Variants in GLIS1 observed in about 807,000 individuals in gnomAD.
GLIS1 encodes the protein GLIS family zinc finger 1, also known as zinc finger protein GLIS1.
In GLIS1, 24 loss-of-function variants were observed where a neutral mutation model predicts 63.8. The ratio of observed to expected loss-of-function variants is 0.38; its 90% CI spans 0.27 to 0.53. GLIS1 has a LOEUF of 0.53. Ranked by LOEUF, GLIS1 falls within the 20% of genes least tolerant of loss-of-function variation. The pLI, the probability that GLIS1 is intolerant of heterozygous loss-of-function variation, is 0.85. For synonymous variants in GLIS1, 450 were observed against 482.5 expected (o/e 0.93, Z 0.88); for missense variants, 1,036 against 1,074.1 (o/e 0.96, Z 0.50).
At chr1:53,515,316 T>C (rs1241006113) in intron 7 of GLIS1, among the ~76,000 whole-genome samples, 1 of 151,992 alleles carries the variant, frequency 6.6e-6, no homozygotes, top group Non-Finnish European at 1.5e-5. Flanking sequence ...TGGGCTGCCC[T>C]TGCACAGAAT....
At chr1:53,730,992 A>G (rs1646854223) in intron 2 of GLIS1, among the ~76,000 whole-genome samples, 2 of 152,182 alleles carry the variant, frequency 1.3e-5, no homozygotes, top group Admixed American at 1.3e-4. Context: ...ATGCTTGGGG[A>G]AGCACGTATT....
chr1:53,734,253 G>T, intron 2 of GLIS1: 1 of 953,400 alleles, frequency 1.0e-6, no homozygotes, highest in African/African-American at 1.8e-5. Flanking sequence ...TCATTATCTG[G>T]TTTGGTGTGG....
chr1:53,733,153 T>A (rs552559450), intron 2 of GLIS1, among the ~76,000 whole-genome samples: 2 of 152,008 alleles, frequency 1.3e-5, no homozygotes, highest in South Asian at 2.1e-4. Context: ...AAGAATATAT[T>A]TTTTTAAGTG....
At chr1:53,644,489 G>A (rs1336046588) in intron 2 of GLIS1, among the ~76,000 whole-genome samples, 1 of 152,198 alleles carries the variant, frequency 6.6e-6, no homozygotes, top group Non-Finnish European at 1.5e-5. Context: ...CAGAAGAGGA[G>A]GTGACTCATA....
At chr1:53,577,075 A>T (rs1441022939) in intron 4 of GLIS1, among the ~76,000 whole-genome samples, 7 of 148,224 alleles carry the variant, frequency 4.7e-5, no homozygotes, top group Middle Eastern at 3.5e-3. Flanking sequence ...ATAAATGCTG[A>T]TGTCCCCTGT....
chr1:53,605,471 C>T (rs1645360634), intron 2 of GLIS1, among the ~76,000 whole-genome samples: 1 of 152,234 alleles, frequency 6.6e-6, no homozygotes. Flanking sequence ...CTCGGCAGTC[C>T]CTGCGAATAG....
At position 53,642,420 on chromosome 1, in the gene GLIS1, C is replaced by T. The variant is rs191145967; in HGVS notation, c.260-42142G>A. ...GTCAGAGTTTCAGGTTGCCACGCAA[C>T]GATAAGGCCTTCCACCTCGGGGCCC... On this transcript the variant is annotated intron_variant, in intron 2 of 10. Coordinates refer to ENST00000628545, the MANE Select transcript of GLIS1 (RefSeq NM_001367484.1). 9.2e-5 allele frequency among the ~76,000 whole-genome samples: 14 copies of T among 152,280 alleles called. No individual in the cohort carries two copies. The East Asian group carries it at 9.7e-4, about 11-fold the overall frequency.
At chr1:53,553,283 C>A (rs1324117532) in intron 4 of GLIS1, among the ~76,000 whole-genome samples, 3 of 152,190 alleles carry the variant, frequency 2.0e-5, no homozygotes, top group Non-Finnish European at 4.4e-5. Context: ...GTGCCCTGCC[C>A]AGGTGCACCC....
chr1:53,618,162 G>A (rs1328742048), intron 2 of GLIS1, among the ~76,000 whole-genome samples: 1 of 152,246 alleles, frequency 6.6e-6, no homozygotes, highest in African/African-American at 2.4e-5. Flanking sequence ...TCAGCAGAGA[G>A]GGTTTGAGAA....
At chr1:53,733,706 A>T (rs866812282) in intron 2 of GLIS1, among the ~76,000 whole-genome samples, 1 of 152,130 alleles carries the variant, frequency 6.6e-6, no homozygotes, top group Non-Finnish European at 1.5e-5. Flanking sequence ...ACCCACACAC[A>T]TACTTGTTTC....
chr1:53,585,185 C>T (rs1287992026), intron 4 of GLIS1, among the ~76,000 whole-genome samples: 1 of 152,152 alleles, frequency 6.6e-6, no homozygotes, highest in African/African-American at 2.4e-5. Flanking sequence ...ATTCTCTTCC[C>T]TGTGAGAGCT....
At chr1:53,551,787 T>TC (rs1644762174) in intron 4 of GLIS1, among the ~76,000 whole-genome samples, 1 of 152,046 alleles carries the variant, frequency 6.6e-6, no homozygotes, top group Non-Finnish European at 1.5e-5. Context: ...TCCTCTGCCC[T>TC]CTGTGCCCAC....
chr1:53,670,622 T>C (rs149459129), intron 2 of GLIS1, among the ~76,000 whole-genome samples: 6 of 152,356 alleles, frequency 3.9e-5, no homozygotes, highest in Non-Finnish European at 7.3e-5. Flanking sequence ...AGTCCTGTGA[T>C]AGGATTCAAA....
chr1:53,506,425 C>G lies in GLIS1; in HGVS notation c.*194G>C, dbSNP rs982109943. On this transcript the variant is annotated 3_prime_UTR_variant, in exon 11 of 11. Transcript: ENST00000628545. ...ACAGATCCTGGCGGGCACCTCTGTG[C>G]GCCCAGCTCAAGCTCGGATGGCGGC... The G allele has an allele frequency of 6.7e-6, 4 of 596,562 alleles. No homozygotes were observed. Among genetic ancestry groups the G allele is most frequent in the Non-Finnish European group, 8.9e-6 (3 of 338,482 alleles). The allele number at this position is 596,562 out of a possible 1,614,324, so 37.0% of individuals were successfully genotyped here. A position where few individuals can be genotyped will look rare whatever the true frequency, so the allele number is the denominator to read the frequency against.
chr1:53,662,838 G>A (rs1388784137), intron 2 of GLIS1, among the ~76,000 whole-genome samples: 1 of 152,164 alleles, frequency 6.6e-6, no homozygotes, highest in Non-Finnish European at 1.5e-5. Flanking sequence ...ACCAATGTGG[G>A]CTGAGACTGT....
At chr1:53,632,002 G>A (rs1045162359) in intron 2 of GLIS1, among the ~76,000 whole-genome samples, 4 of 151,690 alleles carry the variant, frequency 2.6e-5, no homozygotes, top group African/African-American at 9.6e-5. Context: ...TGACTAAGGG[G>A]CGTGTGAATG....
At chr1:53,519,886 C>T (rs530945527) in intron 7 of GLIS1, among the ~76,000 whole-genome samples, 1 of 152,302 alleles carries the variant, frequency 6.6e-6, no homozygotes, top group Admixed American at 6.5e-5. Context: ...TTCTTGAAGA[C>T]GGTTCCTCCC....
chr1:53,548,928 C>G (rs1244492254), intron 4 of GLIS1, among the ~76,000 whole-genome samples: 1 of 152,200 alleles, frequency 6.6e-6, no homozygotes, highest in African/African-American at 2.4e-5. Flanking sequence ...TACTAGCAGA[C>G]AGCACTCCCT....
chr1:53,646,451 CAT>C lies in GLIS1; in HGVS notation c.260-46175_260-46174del, dbSNP rs1410363006. ...ATTTTTTAGATATCATTTATGGTAACATAGAATAACATCAAATACATACGGAT... is the reference window on the plus strand; with the variant it reads ...ATTTTTTAGATATCATTTATGGTAACAGAATAACATCAAATACATACGGAT... On this transcript the variant is annotated intron_variant, in intron 2 of 10. Transcript: ENST00000628545. This position sits in a 1 kb window ranked among gnomAD's most constrained non-coding sequence, Gnocchi z 4.2. Among the ~76,000 whole-genome samples the C allele has an allele frequency of 6.6e-6, 1 of 152,194 alleles. No homozygotes were observed.
Sources: allele counts gnomAD v4.1 joint callset (sites outside exome capture counted in the v4.1 genomes callset), GRCh38; gene constraint gnomAD v4.1.1; non-coding constraint Gnocchi (gnomAD v3.1); transcripts MANE v1.5; gene names NCBI Gene and HGNC (gene_info 2026-07-23, HGNC 2026-07-21).